The following C10orf90 variants were observed in gnomAD, a reference collection of about 807,000 sequenced individuals.
C10orf90 encodes chromosome 10 open reading frame 90, also known as (E2-independent) E3 ubiquitin-conjugating enzyme FATS.
C10orf90 carries 56 observed loss-of-function variants against 62.5 expected under a neutral mutation model. The observed-to-expected ratio is 0.90, with a 90% CI of 0.72 to 1.12. The LOEUF (loss-of-function observed/expected upper bound fraction) is 1.12, where lower values mean the gene tolerates loss of function less well. Among genes scored for constraint, C10orf90 ranks in the 50% most tolerant of loss-of-function variants. The pLI is 0.00. For synonymous variants in C10orf90, 386 were observed against 340.4 expected (o/e 1.13, Z -1.47); for missense variants, 970 against 880.4 (o/e 1.10, Z -1.29).
At chr10:126,522,291 A>AAAC (rs1393191173) in intron 2 of C10orf90, among the ~76,000 whole-genome samples, 2 of 152,198 alleles carry the variant, frequency 1.3e-5, no homozygotes, top group Non-Finnish European at 2.9e-5. Context: ...ACAAACAAAA[A>AAAC]AAGAGATGGC....
intron 1 of C10orf90, among the ~76,000 whole-genome samples, chr10:126,657,846 C>A (rs574396875): frequency 6.6e-6 from 1 of 152,194 alleles, no homozygotes; most frequent in African/African-American, 2.4e-5. Context: ...GAACTCCCAG[C>A]CTCAGGTGAT....
chr10:126,588,178 C>T (rs538589556), intron 2 of C10orf90, among the ~76,000 whole-genome samples: 74 of 152,254 alleles, frequency 4.9e-4, no homozygotes, highest in African/African-American at 1.6e-3. Flanking sequence ...TCCAGGCGGT[C>T]GGAACCAGAA....
intron 2 of C10orf90, among the ~76,000 whole-genome samples, chr10:126,576,729 T>TATAC (rs1844629742): frequency 2.0e-5 from 1 of 50,618 alleles, no homozygotes; most frequent in Non-Finnish European, 4.2e-5. Flanking sequence ...GATATACATA[T>TATAC]ATATGTATAT....
At chr10:126,593,976 A>G (rs1845032680) in intron 2 of C10orf90, among the ~76,000 whole-genome samples, 1 of 152,110 alleles carries the variant, frequency 6.6e-6, no homozygotes, top group Admixed American at 6.5e-5. Context: ...AGGGAAAGAA[A>G]AAATGAACAC....
At chr10:126,538,138 C>CA (rs1326394980) in intron 2 of C10orf90, among the ~76,000 whole-genome samples, 4 of 151,868 alleles carry the variant, frequency 2.6e-5, no homozygotes, top group African/African-American at 4.8e-5. Context: ...TGGTGGAAGG[C>CA]AAAAAAGGAG....
chr10:126,624,664 T>C (rs780101625), intron 2 of C10orf90, among the ~76,000 whole-genome samples: 2 of 152,200 alleles, frequency 1.3e-5, no homozygotes, highest in African/African-American at 2.4e-5. Flanking sequence ...GATTGTTTTA[T>C]TTCCTGCTTA....
chr10:126,570,671 A>G (rs1444344048), intron 2 of C10orf90, among the ~76,000 whole-genome samples: 1 of 152,178 alleles, frequency 6.6e-6, no homozygotes, highest in Non-Finnish European at 1.5e-5. Context: ...CACTGAAGGT[A>G]TTTTGCTGAA....
chr10:126,470,332 G>T (rs948918269), intron 4 of C10orf90, among the ~76,000 whole-genome samples: 5 of 152,196 alleles, frequency 3.3e-5, no homozygotes, highest in Admixed American at 6.5e-5. Context: ...AGTGTTGTTT[G>T]CTTTATTCTT....
chr10:126,631,724 C>T (rs1251739094), intron 2 of C10orf90, among the ~76,000 whole-genome samples: 1 of 151,890 alleles, frequency 6.6e-6, no homozygotes, highest in Non-Finnish European at 1.5e-5. Flanking sequence ...AGCACCAACA[C>T]CCAGGGCAGG....
At chr10:126,555,937 A>G (rs1864760745) in intron 2 of C10orf90, among the ~76,000 whole-genome samples, 1 of 152,182 alleles carries the variant, frequency 6.6e-6, no homozygotes, top group Non-Finnish European at 1.5e-5. Flanking sequence ...GCCAGAATCC[A>G]TTTCACACTT....
At chr10:126,600,194 G>C (rs576152796) in intron 2 of C10orf90, among the ~76,000 whole-genome samples, 1 of 152,294 alleles carries the variant, frequency 6.6e-6, no homozygotes, top group African/African-American at 2.4e-5. Flanking sequence ...TGTGTGCATC[G>C]CATGTGTGTG....
chr10:126,471,212 T>C (rs1251275217), intron 4 of C10orf90, among the ~76,000 whole-genome samples: 1 of 149,140 alleles, frequency 6.7e-6, no homozygotes, highest in Non-Finnish European at 1.5e-5. Flanking sequence ...AGAGAAGGAA[T>C]GGGAATGCCA....
chr10:126,490,079 TA>T (rs1665158093), intron 4 of C10orf90, among the ~76,000 whole-genome samples: 1 of 122,618 alleles, frequency 8.2e-6, no homozygotes, highest in South Asian at 2.2e-4. Flanking sequence ...ATATATAATA[TA>T]ATAATAATAT....
chr10:126,609,360 G>A (rs940104535), intron 2 of C10orf90, among the ~76,000 whole-genome samples: 1 of 152,174 alleles, frequency 6.6e-6, no homozygotes, highest in Admixed American at 6.5e-5. Flanking sequence ...CCGAGATCGC[G>A]CCATTGCACT....
chr10:126,540,665 TAAAA>T (rs59077222), intron 2 of C10orf90, among the ~76,000 whole-genome samples: 86,135 of 134,582 alleles, frequency 0.64, 27,597 homozygotes, highest in African/African-American at 0.76. Context: ...AGACCTTGTC[TAAAA>T]AAAAAAAAAA....
intron 6 of C10orf90, among the ~76,000 whole-genome samples, chr10:126,460,396 C>T (rs1048547505): frequency 6.6e-6 from 1 of 152,258 alleles, no homozygotes; most frequent in African/African-American, 2.4e-5. Context: ...TTCCTCTGCC[C>T]CCTTCCTCTT....
chr10:126,584,575 T>A (rs1844821829), intron 2 of C10orf90, among the ~76,000 whole-genome samples: 1 of 152,106 alleles, frequency 6.6e-6, no homozygotes, highest in Non-Finnish European at 1.5e-5. Flanking sequence ...AAATACCGAA[T>A]GAAGCCAGCC....
intron 2 of C10orf90, among the ~76,000 whole-genome samples, chr10:126,525,270 G>A (rs994091865): frequency 2.0e-5 from 3 of 152,188 alleles, no homozygotes; most frequent in African/African-American, 7.2e-5. Flanking sequence ...TCGGCCCACT[G>A]CAAAGCCACA....
In C10orf90 at chr10:126,551,797, T is replaced by G. The variant is rs1235446584; in HGVS notation, c.314-37858A>C. Among the ~76,000 whole-genome samples, 2 of 152,228 alleles carry G rather than the reference T, an allele frequency of 1.3e-5. 1 individual carries two copies. Among genetic ancestry groups the G allele is most frequent in the Non-Finnish European group, 2.9e-5 (2 of 68,042 alleles). ...CTTATTGATAAGGGCCTTGCACGCT[T>G]GCTGAACATTATCTCAAAAAGGCCT... is the stretch of plus-strand genomic sequence containing the variant. On this transcript the variant is annotated intron_variant, in intron 2 of 9. Transcript: ENST00000488181.
Sources: allele counts gnomAD v4.1 joint callset (sites outside exome capture counted in the v4.1 genomes callset), GRCh38; gene constraint gnomAD v4.1.1; transcripts MANE v1.5; gene names NCBI Gene and HGNC (gene_info 2026-07-23, HGNC 2026-07-21).